The following SLC4A8 variants were observed in gnomAD, a reference collection of about 807,000 sequenced individuals.
SLC4A8 encodes electroneutral sodium bicarbonate exchanger 1.
In SLC4A8, 40 loss-of-function variants were observed where a neutral mutation model predicts 125.0. The ratio of observed to expected loss-of-function variants is 0.32; its 90% CI spans 0.25 to 0.42. The LOEUF is 0.42. Among genes scored for constraint, SLC4A8 ranks in the 10% least tolerant of loss-of-function variants. The probability of loss-of-function intolerance (pLI) is 1.00; values close to 1 mark genes in which losing one functional copy is unlikely to be tolerated. For synonymous variants in SLC4A8, 456 were observed against 476.0 expected (o/e 0.96, Z 0.55); for missense variants, 863 against 1,355.1 (o/e 0.64, Z 5.70).
At chr12:51,438,182 C>A (rs1949478650) in intron 1 of SLC4A8, among the ~76,000 whole-genome samples, 1 of 152,138 alleles carries the variant, frequency 6.6e-6, no homozygotes, top group Non-Finnish European at 1.5e-5. Context: ...GTTTGAAACT[C>A]TATATTATAG....
At chr12:51,458,473 A>C in intron 6 of SLC4A8, 86 bp from the exon 7 acceptor site, 1 of 900,450 alleles carries the variant, frequency 1.1e-6, no homozygotes. Context: ...TTGCAGGAGA[A>C]GGCAGAACCA....
rs543856301 is a variant in SLC4A8, at chr12:51,414,214, T to C, written c.-112+22726T>C. On this transcript the variant is annotated intron_variant, in intron 1 of 24. Coordinates refer to the SLC4A8 transcript ENST00000358657. ...TGGGATTGCTTTCTTTGCTTTTTTTTCCCAGCTAGTTCATTATTGGCATAT... is the reference window on the plus strand; with the variant it reads ...TGGGATTGCTTTCTTTGCTTTTTTTCCCCAGCTAGTTCATTATTGGCATAT... 1.7e-3 allele frequency among the ~76,000 whole-genome samples: 257 copies of C among 152,220 alleles called. 1 individual carries two copies. The highest frequency in any genetic ancestry group is 6.1e-3 in the African/African-American group (252 of 41,544).
At chr12:51,405,957 T>G (rs1457044073) in intron 1 of SLC4A8, among the ~76,000 whole-genome samples, 2 of 151,802 alleles carry the variant, frequency 1.3e-5, no homozygotes, top group African/African-American at 4.8e-5. Flanking sequence ...TAAAATAGGG[T>G]GTGAGTGCAG....
chr12:51,404,990 G>A (rs534705094), intron 1 of SLC4A8, among the ~76,000 whole-genome samples: 7 of 152,298 alleles, frequency 4.6e-5, no homozygotes, highest in African/African-American at 1.4e-4. Context: ...AAGGCTTGAG[G>A]TAAAAGGGCT....
intron 9 of SLC4A8, 23 bp from the exon 10 acceptor site, chr12:51,462,287 T>C: frequency 6.2e-7 from 1 of 1,611,948 alleles, no homozygotes; most frequent in Non-Finnish European, 8.5e-7. Flanking sequence ...TTAACTTTCC[T>C]GAGGGTTTTC....
intron 20 of SLC4A8, 51 bp downstream of exon 20, chr12:51,493,823 T>A (rs1951385645): frequency 8.5e-7 from 1 of 1,181,030 alleles, no homozygotes; most frequent in South Asian, 1.2e-5. Flanking sequence ...AGTTTGCATG[T>A]CCTGTCCAGG....
At chr12:51,475,360 G>A (rs958903625) in intron 16 of SLC4A8, among the ~76,000 whole-genome samples, 154 bp downstream of exon 16, 2 of 152,214 alleles carry the variant, frequency 1.3e-5, no homozygotes, top group African/African-American at 4.8e-5. Context: ...GTGTCTGGCA[G>A]CCTCTTTCAT....
intron 2 of SLC4A8, among the ~76,000 whole-genome samples, chr12:51,441,706 A>G (rs1229129315): frequency 2.0e-5 from 3 of 152,228 alleles, no homozygotes; most frequent in Non-Finnish European, 4.4e-5. Flanking sequence ...ACAGCATGTG[A>G]AATGTTCTCT....
rs575825609 is a variant in SLC4A8 at position 51,417,642 on chromosome 12, C to T, written c.-111-23066C>T. Among the ~76,000 whole-genome samples the T allele has an allele frequency of 1.1e-4, 16 of 152,282 alleles. No homozygotes were observed. The South Asian group carries it at 2.1e-3, about 20-fold the overall frequency. ...AAGCGATTCTCCTGCCTCAGCCTCC[C>T]GAGTGGCTGGGACTACAGGCATGCG... On this transcript the variant is annotated intron_variant, in intron 1 of 24. Transcript: ENST00000358657.
At chr12:51,440,500 C>G (rs1949560701) in intron 1 of SLC4A8, among the ~76,000 whole-genome samples, 1 of 151,552 alleles carries the variant, frequency 6.6e-6, no homozygotes, top group Admixed American at 6.6e-5. Flanking sequence ...TTAATGTTCT[C>G]TGAGTGTCAG....
Position 51,505,850 on chromosome 12 carries a change from G to A in SLC4A8, c.3189G>A (p.Glu1063=). 3 of 1,544,614 alleles carry A rather than the reference G, an allele frequency of 1.9e-6. No homozygotes were observed. Among genetic ancestry groups the A allele is most frequent in the Non-Finnish European group, 2.7e-6 (3 of 1,119,762 alleles). Residue 1063 remains glutamate (E), a synonymous_variant, in exon 24 of 25, where the codon GAG becomes GAA. Transcript: ENST00000453097. ...TTGATTTCAGATGTGACCCCTCTGAGATTAATATATCTGATGAAATGCCTA... is the reference window on the plus strand; with the variant it reads ...TTGATTTCAGATGTGACCCCTCTGAAATTAATATATCTGATGAAATGCCTA... ...KNISCRCDPS[E]INISDEMPKT...
At chr12:51,482,027 C>T (rs137930974) in intron 16 of SLC4A8, among the ~76,000 whole-genome samples, 2 of 152,256 alleles carry the variant, frequency 1.3e-5, no homozygotes, top group African/African-American at 4.8e-5. Flanking sequence ...CACAGTGTCA[C>T]AGAGATTTCC....
intron 19 of SLC4A8, among the ~76,000 whole-genome samples, chr12:51,491,907 G>T (rs779200841): frequency 5.9e-5 from 9 of 152,132 alleles, no homozygotes; most frequent in Non-Finnish European, 1.2e-4. Context: ...GGAGTTGGGG[G>T]TATCTTATCA....
intron 5 of SLC4A8, among the ~76,000 whole-genome samples, chr12:51,454,091 G>C (rs1361518408): frequency 6.6e-6 from 1 of 152,212 alleles, no homozygotes; most frequent in African/African-American, 2.4e-5. Flanking sequence ...GAGCTCAGGA[G>C]TTCCAGGCCA....
Position 51,463,643 on chromosome 12 carries a change from T to C in SLC4A8, c.1278T>C (p.Asn426=). 1 of 1,614,020 alleles carries C rather than the reference T, an allele frequency of 6.2e-7. No individual in the cohort carries two copies. The highest frequency in any genetic ancestry group is 8.5e-7 in the Non-Finnish European group (1 of 1,179,894). Residue 426 remains asparagine (N), a synonymous_variant, in exon 11 of 25, where the codon AAT becomes AAC. Transcript: ENST00000453097. The part of the protein sequence containing the change: ...QEKRKMPGVP[N]GNVCHIEQEP... ...AAAGGAAAATGCCTGGAGTTCCAAA[T>C]GGAAATGTTTGCCACATAGAACAGG...
chr12:51,471,567 G>A (rs1383858576), intron 14 of SLC4A8, 35 bp downstream of exon 14: 1 of 1,598,428 alleles, frequency 6.3e-7, no homozygotes, highest in Non-Finnish European at 8.5e-7. Flanking sequence ...TAAAAATTGA[G>A]CAAAGGGCCT....
intron 1 of SLC4A8, among the ~76,000 whole-genome samples, chr12:51,418,834 C>T (rs779066615): frequency 2.0e-5 from 3 of 152,136 alleles, no homozygotes; most frequent in Non-Finnish European, 4.4e-5. Flanking sequence ...GAATTTATAT[C>T]TATGTCAGAT....
chr12:51,429,532 T>G (rs1196362023), intron 1 of SLC4A8, among the ~76,000 whole-genome samples: 1 of 151,346 alleles, frequency 6.6e-6, no homozygotes, highest in Non-Finnish European at 1.5e-5. Flanking sequence ...AGACAGGGTC[T>G]CACTCTGTTG....
intron 9 of SLC4A8, 70 bp downstream of exon 9, chr12:51,461,361 A>G: frequency 1.1e-6 from 1 of 906,812 alleles, no homozygotes. Context: ...GTGCCAGGCA[A>G]TATGCTAGTT....
Sources: gnomAD v4.1 joint callset for allele counts (sites outside exome capture counted in the v4.1 genomes callset) on GRCh38, gnomAD v4.1.1 for gene constraint, MANE v1.5 for transcripts, NCBI Gene and HGNC (gene_info 2026-07-23, HGNC 2026-07-21) for gene names.